The following PTDSS1 variants were observed in gnomAD, a reference collection of about 807,000 sequenced individuals.
PTDSS1 encodes PSS-1.
Under a neutral mutation model 70.5 loss-of-function variants are expected in PTDSS1, and 45 were observed. That is an observed-to-expected ratio of 0.64 (90% CI 0.50 to 0.82). The LOEUF is 0.82. Among genes scored for constraint, PTDSS1 ranks in the 40% least tolerant of loss-of-function variants. The pLI is 0.00. For missense variants in PTDSS1, 417 were observed against 586.1 expected (o/e 0.71, Z 2.98); for synonymous variants, 188 against 203.8 (o/e 0.92, Z 0.66).
intron 5 of PTDSS1, among the ~76,000 whole-genome samples, chr8:96,296,850 G>A (rs1181480968): frequency 6.6e-6 from 1 of 152,144 alleles, no homozygotes; most frequent in Admixed American, 6.5e-5. Flanking sequence ...AGTGTCTTTG[G>A]AACCCAGCCG....
At chr8:96,285,331 C>T (rs1810806720) in intron 3 of PTDSS1, among the ~76,000 whole-genome samples, 1 of 152,140 alleles carries the variant, frequency 6.6e-6, no homozygotes, top group African/African-American at 2.4e-5. Flanking sequence ...CAGTATAGTG[C>T]ACCCTGGGAG....
chr8:96,336,186 T>G lies in PTDSS1; in HGVS notation c.*2620T>G, dbSNP rs1051916858. On this transcript the variant is annotated 3_prime_UTR_variant, in exon 13 of 13. Transcript: ENST00000517309. The stretch of plus-strand genomic sequence containing the variant: ...ACAAGACATCCTATCAATGCCAGTC[T>G]TATTTTCGCTAGGACTCTGCTTCCA... 4 of 152,172 alleles carry G rather than the reference T, an allele frequency of 2.6e-5. No homozygotes were observed. The highest frequency in any genetic ancestry group is 1.3e-4 in the Admixed American group (2 of 15,300). The allele number at this position is 152,172 out of a possible 1,614,324, so 9.4% of individuals were successfully genotyped here.
chr8:96,321,054 A>G (rs887508369), intron 10 of PTDSS1, among the ~76,000 whole-genome samples: 1 of 152,372 alleles, frequency 6.6e-6, no homozygotes, highest in South Asian at 2.1e-4. Flanking sequence ...TTTTTCACTT[A>G]GTCTAGAAAA....
At chr8:96,316,284 A>G (rs1158952908) in intron 9 of PTDSS1, among the ~76,000 whole-genome samples, 5 of 152,160 alleles carry the variant, frequency 3.3e-5, no homozygotes, top group African/African-American at 1.2e-4. Flanking sequence ...GTTCATCACC[A>G]TGCTGTTCAC....
chr8:96,262,370 G>C lies in PTDSS1; in HGVS notation c.179+151G>C. 9.7e-7 allele frequency: 1 copy of C among 1,032,358 alleles called. No homozygotes were observed. The highest frequency in any genetic ancestry group is 3.2e-4 in the Middle Eastern group (1 of 3,164). 63.9% of individuals were successfully genotyped at this position (1,032,358 alleles called of 1,614,324 possible). A position where few individuals can be genotyped will look rare whatever the true frequency, so the allele number is the denominator to read the frequency against. ...GCACTGGCAGCCCGCCGCCCACGCG[G>C]CCCCTCCGCCCGCCCGGTGTCTCAC... On this transcript the variant is annotated intron_variant, in intron 1 of 12. Coordinates refer to ENST00000517309, the MANE Select transcript of PTDSS1 (RefSeq NM_014754.3). The surrounding 1 kb of genome is among the most constrained non-coding windows in gnomAD (Gnocchi z 4.4).
intron 6 of PTDSS1, among the ~76,000 whole-genome samples, chr8:96,302,635 G>A (rs1180778911): frequency 6.6e-6 from 1 of 152,140 alleles, no homozygotes; most frequent in Non-Finnish European, 1.5e-5. Context: ...AGGCTGGAGT[G>A]CAGTGGCACA....
At chr8:96,296,132 CTTTTTTTTT>C (rs34559310) in intron 5 of PTDSS1, among the ~76,000 whole-genome samples, 3 of 54,282 alleles carry the variant, frequency 5.5e-5, no homozygotes, top group South Asian at 1.4e-3. Context: ...TCATGGTGTT[CTTTTTTTTT>C]TTTTTTTTTT....
At chr8:96,282,352 G>A (rs1173763539) in intron 2 of PTDSS1, among the ~76,000 whole-genome samples, 3 of 152,202 alleles carry the variant, frequency 2.0e-5, no homozygotes, top group Non-Finnish European at 4.4e-5. Context: ...GGGGATCCTG[G>A]TTTATAACCT....
chr8:96,333,157 C>G (rs1586214508), intron 12 of PTDSS1, among the ~76,000 whole-genome samples: 1 of 152,282 alleles, frequency 6.6e-6, no homozygotes, highest in African/African-American at 2.4e-5. Context: ...CACTTGTGCT[C>G]TCACTTCTGG....
At position 96,320,902 on chromosome 8, in the gene PTDSS1, C is replaced by T. The variant is rs185112880; in HGVS notation, c.1173+557C>T. On this transcript the variant is annotated intron_variant, in intron 10 of 12. Transcript: ENST00000517309. ...AGGGACACCAGCCTAAGCCTTGGTT[C>T]TTTTGCCCTGGGGCTCTTCCCTCAC... is the stretch of plus-strand genomic sequence containing the variant. Among the ~76,000 whole-genome samples the T allele has an allele frequency of 1.4e-4, 22 of 152,346 alleles. No individual in the cohort carries two copies. The East Asian group carries it at 3.7e-3, about 25-fold the overall frequency.
intron 8 of PTDSS1, 71 bp downstream of exon 8, chr8:96,306,627 G>C: frequency 8.3e-7 from 1 of 1,203,970 alleles, no homozygotes; most frequent in Admixed American, 1.9e-5. Context: ...TTAGCATAAG[G>C]AAAGTCATAT....
At position 96,287,159 on chromosome 8, in the gene PTDSS1, C is replaced by T. The variant is rs1374334636; in HGVS notation, c.441+13C>T. ...AGCAGATGTCATGGTATGTACTTGT[C>T]AGTGGCCTCTTGGAGAAACTCGTAG... On this transcript the variant is annotated intron_variant, in intron 4 of 12. Coordinates refer to ENST00000517309, the MANE Select transcript of PTDSS1 (RefSeq NM_014754.3). The T allele has an allele frequency of 6.2e-7, 1 of 1,613,604 alleles. No homozygotes were observed. Among genetic ancestry groups the T allele is most frequent in the East Asian group, 2.2e-5 (1 of 44,876 alleles).
chr8:96,280,461 G>A (rs748145922), intron 2 of PTDSS1, among the ~76,000 whole-genome samples: 26 of 151,984 alleles, frequency 1.7e-4, no homozygotes, highest in Non-Finnish European at 3.4e-4. Context: ...TACAAAGCCT[G>A]CAGTGAGCTG....
chr8:96,270,549 G>A (rs1810550821), intron 1 of PTDSS1, among the ~76,000 whole-genome samples: 1 of 152,074 alleles, frequency 6.6e-6, no homozygotes, highest in Admixed American at 6.5e-5. Flanking sequence ...AAATGAGGTG[G>A]GGACACCCTC....
chr8:96,330,128 C>T lies in PTDSS1; in HGVS notation c.1174-85C>T, dbSNP rs1437434952. On this transcript the variant is annotated intron_variant, in intron 10 of 12. Transcript: ENST00000517309. ...GTCCAGACGGCAGAAATGCATTGAA[C>T]GGTCCTGCATTGATTCCCACTGAAA... 81 of 1,281,804 alleles carry T rather than the reference C, an allele frequency of 6.3e-5. No homozygotes were observed. The South Asian group carries it at 7.2e-4, about 11-fold the overall frequency. 79.4% of individuals were successfully genotyped at this position (1,281,804 alleles called of 1,614,324 possible).
chr8:96,329,377 C>A (rs948844053), intron 10 of PTDSS1, among the ~76,000 whole-genome samples: 2 of 152,200 alleles, frequency 1.3e-5, no homozygotes, highest in African/African-American at 4.8e-5. Flanking sequence ...CTCTACCGCT[C>A]ACCCTCCCTC....
chr8:96,315,757 T>G (rs189769152), intron 9 of PTDSS1, among the ~76,000 whole-genome samples: 15 of 152,320 alleles, frequency 9.8e-5, no homozygotes, highest in African/African-American at 3.6e-4. Flanking sequence ...AGATACAGGA[T>G]GGTGGATGGC....
chr8:96,324,337 C>T (rs1479313480), intron 10 of PTDSS1, among the ~76,000 whole-genome samples: 1 of 152,184 alleles, frequency 6.6e-6, no homozygotes, highest in Non-Finnish European at 1.5e-5. Context: ...AGCCTCTACC[C>T]ATTAGCCAGT....
chr8:96,280,983 G>A (rs1224699775), intron 2 of PTDSS1, among the ~76,000 whole-genome samples: 26 of 152,202 alleles, frequency 1.7e-4, no homozygotes, highest in Admixed American at 1.7e-3. Context: ...AATGTTCACA[G>A]GATGCTACAG....
Sources: allele counts gnomAD v4.1 joint callset (sites outside exome capture counted in the v4.1 genomes callset), GRCh38; gene constraint gnomAD v4.1.1; non-coding constraint Gnocchi (gnomAD v3.1); transcripts MANE v1.5; gene names NCBI Gene and HGNC (gene_info 2026-07-23, HGNC 2026-07-21).